NRXN3: variants seen among roughly 807,000 people sequenced by gnomAD.
NRXN3 encodes the protein neurexin 3, also known as neurexin III.
A neutral mutation model predicts 137.6 loss-of-function variants in NRXN3; 32 were observed. The ratio of observed to expected loss-of-function variants is 0.23; its 90% CI spans 0.18 to 0.31. The LOEUF is 0.31. Ranked by LOEUF, NRXN3 falls within the 10% of genes least tolerant of loss-of-function variation. The probability of loss-of-function intolerance (pLI) is 1.00; values close to 1 mark genes in which losing one functional copy is unlikely to be tolerated. For missense variants in NRXN3, 1,574 were observed against 2,062.5 expected, an observed-to-expected ratio of 0.76 and a Z score of 4.59; for synonymous variants, 798 against 784.5, an observed-to-expected ratio of 1.02 and a Z score of -0.29.
chr14:79,411,674 A>G (rs988764519), intron 15 of NRXN3, among the ~76,000 whole-genome samples: 9 of 152,202 alleles, frequency 5.9e-5, no homozygotes, highest in Admixed American at 2.6e-4. Flanking sequence ...TAGAGTCATA[A>G]TTAGAATCCA....
intron 15 of NRXN3, among the ~76,000 whole-genome samples, chr14:79,037,136 A>T (rs1013750676): frequency 3.3e-5 from 5 of 152,102 alleles, no homozygotes; most frequent in Non-Finnish European, 7.4e-5. Context: ...ATCCAGAAAC[A>T]GACTCTTATG....
intron 15 of NRXN3, among the ~76,000 whole-genome samples, chr14:79,383,957 T>G (rs1295316316): frequency 1.3e-5 from 2 of 152,162 alleles, no homozygotes; most frequent in Non-Finnish European, 2.9e-5. Context: ...TCATTGCTAT[T>G]CAAATTAGGT....
chr14:78,320,694 G>T (rs918312211), intron 4 of NRXN3, among the ~76,000 whole-genome samples: 1 of 152,202 alleles, frequency 6.6e-6, no homozygotes, highest in Non-Finnish European at 1.5e-5. Context: ...TGGGGGTACC[G>T]TGTGGCTTTC....
At chr14:79,474,586 A>T (rs967443565) in intron 16 of NRXN3, among the ~76,000 whole-genome samples, 1 of 152,108 alleles carries the variant, frequency 6.6e-6, no homozygotes, top group African/African-American at 2.4e-5. Flanking sequence ...TCAATAGGAT[A>T]AGTGACCCTA....
chr14:78,173,115 A>T (rs2058894250), intron 1 of NRXN3, among the ~76,000 whole-genome samples: 1 of 151,766 alleles, frequency 6.6e-6, no homozygotes, highest in African/African-American at 2.4e-5. Flanking sequence ...GTGGTAGGGG[A>T]TGAGAGAATG....
chr14:79,621,417 G>C (rs1471987978), intron 16 of NRXN3, among the ~76,000 whole-genome samples: 2 of 152,200 alleles, frequency 1.3e-5, no homozygotes, highest in Non-Finnish European at 2.9e-5. Context: ...AATGGAAAAG[G>C]TGCCAGTGGA....
intron 16 of NRXN3, among the ~76,000 whole-genome samples, chr14:79,494,263 C>A (rs901588138): frequency 2.6e-5 from 4 of 152,136 alleles, no homozygotes; most frequent in Non-Finnish European, 5.9e-5. Context: ...TCACTGTCTA[C>A]CCTAATGGAT....
intron 9 of NRXN3, among the ~76,000 whole-genome samples, chr14:78,807,798 T>C (rs185601236): frequency 3.3e-5 from 5 of 150,614 alleles, no homozygotes; most frequent in African/African-American, 1.2e-4. Context: ...AAAAACTTTC[T>C]ATCATTTACC....
At chr14:78,873,295 C>T (rs907217314) in intron 10 of NRXN3, among the ~76,000 whole-genome samples, 24 of 152,164 alleles carry the variant, frequency 1.6e-4, no homozygotes, top group Non-Finnish European at 1.5e-4. Flanking sequence ...TTTGCTACTG[C>T]GAACTATACA....
Position 78,709,476 on chromosome 14 carries a change from G to A in NRXN3, c.1481G>A (p.Arg494Lys). Reference sequence around the variant, plus strand: ...TTCACTCATGGAAAGCCCCAAGAGAGGAAGGATGCTCGGAGCCAGAAGAAT... The same window carrying A: ...TTCACTCATGGAAAGCCCCAAGAGAAGAAGGATGCTCGGAGCCAGAAGAAT... ...ILFTHGKPQE[R>K]KDARSQKNTK... Residue 494 changes from arginine (R) to lysine (K), a missense_variant, in exon 7 of 21, where the codon AGG becomes AAG. By Grantham distance (26) the Arg-to-Lys change is conservative. This residue lies in a region of NRXN3 where 718 missense variants were observed against 887.6 expected (regional missense o/e 0.81). Transcript: ENST00000335750. The A allele has an allele frequency of 1.9e-6, 3 of 1,614,138 alleles. No homozygotes were observed. Among genetic ancestry groups the A allele is most frequent in the African/African-American group, 1.3e-5 (1 of 75,044 alleles).
At chr14:79,016,931 C>A (rs1021523881) in intron 15 of NRXN3, among the ~76,000 whole-genome samples, 1 of 152,032 alleles carries the variant, frequency 6.6e-6, no homozygotes, top group African/African-American at 2.4e-5. Context: ...AGTATCAGGA[C>A]CATTTGGAGG....
intron 10 of NRXN3, among the ~76,000 whole-genome samples, chr14:78,813,498 T>C (rs1332289984): frequency 6.6e-6 from 1 of 152,210 alleles, no homozygotes; most frequent in East Asian, 1.9e-4. Context: ...CTTGCTTAAT[T>C]TTCAAAACAG....
At chr14:79,223,194 C>T (rs1446314754) in intron 15 of NRXN3, among the ~76,000 whole-genome samples, 1 of 152,058 alleles carries the variant, frequency 6.6e-6, no homozygotes, top group African/African-American at 2.4e-5. Context: ...AAAGTTAGAG[C>T]CAGAAGACTC....
intron 6 of NRXN3, among the ~76,000 whole-genome samples, chr14:78,704,427 G>C (rs1266110340): frequency 1.3e-5 from 2 of 152,180 alleles, no homozygotes; most frequent in Non-Finnish European, 2.9e-5. Context: ...AGGAAACCCA[G>C]TGAACAAGAA....
chr14:78,897,780 G>C lies in NRXN3; in HGVS notation c.2276-59462G>C, dbSNP rs183107603. Among the ~76,000 whole-genome samples the C allele has an allele frequency of 1.1e-4, 17 of 152,052 alleles. No homozygotes were observed. In the East Asian group the frequency reaches 3.3e-3, roughly 30 times the overall value. ...TAGTTTCAGATTGGGGTGAAAAGAG[G>C]AAAACATAATTAATCCAGAATTATT... is the stretch of plus-strand genomic sequence containing the variant. On this transcript the variant is annotated intron_variant, in intron 10 of 20. Coordinates refer to ENST00000335750, the MANE Select transcript of NRXN3 (RefSeq NM_001330195.2).
At chr14:79,375,239 T>G (rs907233683) in intron 15 of NRXN3, among the ~76,000 whole-genome samples, 3 of 150,852 alleles carry the variant, frequency 2.0e-5, no homozygotes, top group African/African-American at 7.3e-5. Flanking sequence ...TTTTGTGTTT[T>G]TTTTTTTTTT....
chr14:78,877,558 C>T (rs1197642006), intron 10 of NRXN3, among the ~76,000 whole-genome samples: 1 of 152,198 alleles, frequency 6.6e-6, no homozygotes, highest in Non-Finnish European at 1.5e-5. Flanking sequence ...GTCTACATCT[C>T]ATTGACCTCA....
intron 15 of NRXN3, among the ~76,000 whole-genome samples, chr14:79,387,176 T>A (rs2094654883): frequency 6.6e-6 from 1 of 152,016 alleles, no homozygotes; most frequent in Non-Finnish European, 1.5e-5. Flanking sequence ...ACCTATAGAA[T>A]GGGAGAAAAT....
intron 4 of NRXN3, among the ~76,000 whole-genome samples, chr14:78,315,736 T>A (rs1174515657): frequency 6.6e-6 from 1 of 152,200 alleles, no homozygotes; most frequent in African/African-American, 2.4e-5. Context: ...TTTATTGTGA[T>A]CACTGGGTAA....
Sources: allele counts gnomAD v4.1 joint callset (sites outside exome capture counted in the v4.1 genomes callset), GRCh38; gene constraint gnomAD v4.1.1; regional missense constraint gnomAD v4.1.1; transcripts MANE v1.5; gene names NCBI Gene and HGNC (gene_info 2026-07-23, HGNC 2026-07-21).